The following RAB38 variants were observed in gnomAD, a reference collection of about 807,000 sequenced individuals.
RAB38 encodes the protein ras-related protein Rab-38.
Under a neutral mutation model 18.4 loss-of-function variants are expected in RAB38, and 15 were observed. The ratio of observed to expected loss-of-function variants is 0.82; its 90% CI spans 0.55 to 1.26. RAB38 has a LOEUF of 1.26. Among genes scored for constraint, RAB38 ranks in the 50% most tolerant of loss-of-function variants. The probability of loss-of-function intolerance (pLI) is 0.00; values close to 1 mark genes in which losing one functional copy is unlikely to be tolerated. For synonymous variants in RAB38, 101 were observed against 104.4 expected (o/e 0.97, Z 0.20); for missense variants, 294 against 267.4 (o/e 1.10, Z -0.69).
the RAB38 span, among the ~76,000 whole-genome samples, chr11:87,870,491 C>T: frequency 6.6e-6 from 1 of 151,488 alleles, no homozygotes; most frequent in African/African-American, 2.4e-5. Context: ...AGTCTACACA[C>T]ATTTCTCATC....
the RAB38 span, among the ~76,000 whole-genome samples, chr11:88,096,914 C>A: frequency 6.6e-6 from 1 of 151,648 alleles, no homozygotes; most frequent in Non-Finnish European, 1.5e-5. Context: ...CGAGGGGGGA[C>A]TCTTTTTTCA....
the RAB38 span, among the ~76,000 whole-genome samples, chr11:88,106,492 A>G: frequency 2.0e-5 from 3 of 152,142 alleles, no homozygotes; most frequent in South Asian, 4.1e-4. Flanking sequence ...TTGAAAGACA[A>G]TTTTGTTCTA....
the RAB38 span, among the ~76,000 whole-genome samples, chr11:87,841,240 G>C: frequency 6.6e-6 from 1 of 152,124 alleles, no homozygotes; most frequent in African/African-American, 2.4e-5. Context: ...GGGACCCAGT[G>C]AGAAGTAATT....
the RAB38 span, among the ~76,000 whole-genome samples, chr11:87,807,155 C>A: frequency 6.6e-6 from 1 of 152,198 alleles, no homozygotes; most frequent in Non-Finnish European, 1.5e-5. Context: ...GGAACAATTT[C>A]ATCCCAAGAC....
the RAB38 span, among the ~76,000 whole-genome samples, chr11:87,957,408 C>T: frequency 6.6e-6 from 1 of 151,756 alleles, no homozygotes; most frequent in African/African-American, 2.4e-5. Flanking sequence ...AAAAAAAAAC[C>T]CATAAGTTTA....
chr11:87,917,214 C>G, the RAB38 span, among the ~76,000 whole-genome samples: 1 of 152,030 alleles, frequency 6.6e-6, no homozygotes, highest in East Asian at 1.9e-4. Context: ...CTGTGGCATA[C>G]CTGCACCGTG....
the RAB38 span, among the ~76,000 whole-genome samples, chr11:87,937,814 G>A: frequency 6.7e-6 from 1 of 148,856 alleles, no homozygotes; most frequent in Non-Finnish European, 1.5e-5. Flanking sequence ...TTGCTTGGCC[G>A]GCGCTTTCTA....
chr11:88,143,845 T>C (rs1488034618), intron 2 of RAB38, among the ~76,000 whole-genome samples: 2 of 152,216 alleles, frequency 1.3e-5, no homozygotes, highest in Non-Finnish European at 2.9e-5. Flanking sequence ...TATTATACAG[T>C]ATCTTAGTCA....
chr11:87,833,604 CTTAT>C, the RAB38 span, among the ~76,000 whole-genome samples: 1 of 152,132 alleles, frequency 6.6e-6, no homozygotes, highest in Admixed American at 6.6e-5. Context: ...AATATAGTAA[CTTAT>C]TTAATTTTCT....
chr11:88,104,474 C>G, the RAB38 span, among the ~76,000 whole-genome samples: 2 of 152,044 alleles, frequency 1.3e-5, no homozygotes, highest in African/African-American at 2.4e-5. Flanking sequence ...ATCTTTTGAG[C>G]CAGCCAGTCT....
the RAB38 span, among the ~76,000 whole-genome samples, chr11:87,905,201 A>G: frequency 6.6e-6 from 1 of 151,772 alleles, no homozygotes; most frequent in African/African-American, 2.4e-5. Context: ...TATTTTCAAT[A>G]TAAAAATTTT....
the RAB38 span, among the ~76,000 whole-genome samples, chr11:88,032,387 A>C: frequency 6.6e-6 from 1 of 152,246 alleles, no homozygotes. Context: ...AATGGGATCT[A>C]ATTAAACTTA....
the RAB38 span, among the ~76,000 whole-genome samples, chr11:87,824,697 G>A: frequency 6.6e-6 from 1 of 152,032 alleles, no homozygotes; most frequent in Admixed American, 6.6e-5. Flanking sequence ...GTCCAAGAAA[G>A]AATTAACAAA....
chr11:88,083,789 C>T, the RAB38 span, among the ~76,000 whole-genome samples: 1 of 151,968 alleles, frequency 6.6e-6, no homozygotes, highest in Non-Finnish European at 1.5e-5. Context: ...GAGGCACTAT[C>T]TTGGAAGCAG....
chr11:87,838,822 C>T, the RAB38 span, among the ~76,000 whole-genome samples: 1 of 152,182 alleles, frequency 6.6e-6, no homozygotes, highest in East Asian at 1.9e-4. Context: ...CTAACATTTA[C>T]TGAATGCTTA....
At chr11:88,020,542 T>G in the RAB38 span, among the ~76,000 whole-genome samples, 1 of 152,126 alleles carries the variant, frequency 6.6e-6, no homozygotes. Context: ...CAGACAGGTA[T>G]CCCAGACAGA....
At chr11:88,157,923 AAAATC>A (rs1319911701) in intron 1 of RAB38, among the ~76,000 whole-genome samples, 1 of 152,144 alleles carries the variant, frequency 6.6e-6, no homozygotes, top group African/African-American at 2.4e-5. Context: ...AAAAAACACT[AAAATC>A]AGAGCAGAAC....
At chr11:88,106,527 T>G in the RAB38 span, among the ~76,000 whole-genome samples, 1 of 152,208 alleles carries the variant, frequency 6.6e-6, no homozygotes, top group Non-Finnish European at 1.5e-5. Flanking sequence ...CTGGGTCATC[T>G]GGAATTTTAA....
At chr11:88,076,072 T>C in the RAB38 span, among the ~76,000 whole-genome samples, 2 of 151,364 alleles carry the variant, frequency 1.3e-5, no homozygotes, top group Admixed American at 1.3e-4. Flanking sequence ...AAAAGTTTTG[T>C]TCCAGACTGA....
Sources: gnomAD v4.1 joint callset for allele counts (sites outside exome capture counted in the v4.1 genomes callset) on GRCh38, gnomAD v4.1.1 for gene constraint, MANE v1.5 for transcripts, NCBI Gene and HGNC (gene_info 2026-07-23, HGNC 2026-07-21) for gene names.